SLC43A2: variants seen among roughly 807,000 people sequenced by gnomAD.
SLC43A2 encodes large neutral amino acids transporter small subunit 4.
A neutral mutation model predicts 63.2 loss-of-function variants in SLC43A2; 38 were observed. The observed-to-expected ratio is 0.60, with a 90% CI of 0.46 to 0.79. The LOEUF is 0.79. Ranked by LOEUF, SLC43A2 falls within the 30% of genes least tolerant of loss-of-function variation. The pLI is 0.00. For synonymous variants in SLC43A2, 322 were observed against 331.0 expected (o/e 0.97, Z 0.30); for missense variants, 644 against 756.2 (o/e 0.85, Z 1.74).
intron 2 of SLC43A2, among the ~76,000 whole-genome samples, chr17:1,621,185 A>G (rs532064170): frequency 1.3e-5 from 2 of 152,296 alleles, no homozygotes; most frequent in Admixed American, 1.3e-4. Context: ...CAGAGGAATC[A>G]GGGAGAAAAG....
intron 2 of SLC43A2, among the ~76,000 whole-genome samples, chr17:1,618,663 G>A (rs1279302675): frequency 6.6e-6 from 1 of 152,214 alleles, no homozygotes; most frequent in African/African-American, 2.4e-5. Flanking sequence ...CCCAGGTCTT[G>A]GCCTACAATA....
In SLC43A2 at chr17:1,578,652, G is replaced by A. The variant is rs552304794; in HGVS notation, c.1351-329C>T. ...AAGCAATTCTCCTGCCTCAGCCTTC[G>A]GAGTAGCTAGGATTACAGGCCCACG... On this transcript the variant is annotated intron_variant, in intron 11 of 13. Transcript: ENST00000301335. This position sits in a 1 kb window ranked among gnomAD's most constrained non-coding sequence, Gnocchi z 6.5. 2.6e-4 allele frequency: 71 copies of A among 268,968 alleles called. No individual in the cohort carries two copies. Among genetic ancestry groups the A allele is most frequent in the African/African-American group, 1.2e-3 (56 of 45,660 alleles). 16.7% of individuals were successfully genotyped at this position (268,968 alleles called of 1,614,324 possible).
chr17:1,613,824 C>T lies in SLC43A2; in HGVS notation c.425-553G>A, dbSNP rs567781059. On this transcript the variant is annotated intron_variant, in intron 4 of 13. Transcript: ENST00000301335. ...CCAATTAATATTAGCAGTGTCCAGGCGCAGTGACTCACACCTAGAATCCCA... is the reference window on the plus strand; with the variant it reads ...CCAATTAATATTAGCAGTGTCCAGGTGCAGTGACTCACACCTAGAATCCCA... Among the ~76,000 whole-genome samples, 16 of 152,244 alleles carry T rather than the reference C, an allele frequency of 1.1e-4. No individual in the cohort carries two copies. In the East Asian group the frequency reaches 3.1e-3, roughly 29 times the overall value.
intron 10 of SLC43A2, among the ~76,000 whole-genome samples, chr17:1,584,429 G>T (rs1185174991): frequency 1.3e-5 from 2 of 152,100 alleles, no homozygotes; most frequent in Admixed American, 6.6e-5. Context: ...AGGGTGCTGG[G>T]AGTCTTCACT....
rs550589628 is a variant in SLC43A2, at chr17:1,608,463, A to G, written c.501+4732T>C. 4.3e-4 allele frequency among the ~76,000 whole-genome samples: 65 copies of G among 151,888 alleles called. No homozygotes were observed. In the East Asian group the frequency reaches 6.0e-3, roughly 14 times the overall value. On this transcript the variant is annotated intron_variant, in intron 5 of 13. Transcript: ENST00000301335. ...GGCTGGAGTGCAGTGGTGCGATCTCAGCTCACTGCAACCTCCGCCTCCCGG... is the reference window on the plus strand; with the variant it reads ...GGCTGGAGTGCAGTGGTGCGATCTCGGCTCACTGCAACCTCCGCCTCCCGG...
intron 5 of SLC43A2, among the ~76,000 whole-genome samples, chr17:1,600,297 C>G (rs1289444166): frequency 1.4e-5 from 2 of 141,326 alleles, no homozygotes; most frequent in African/African-American, 5.2e-5. Flanking sequence ...GTTACAGGTG[C>G]CTGCCACGAC....
intron 9 of SLC43A2, among the ~76,000 whole-genome samples, chr17:1,588,872 G>A (rs1301019200): frequency 6.6e-6 from 1 of 152,178 alleles, no homozygotes; most frequent in Admixed American, 6.5e-5. Context: ...CAGCACCCGG[G>A]AGCCTCTGCC....
chr17:1,592,967 C>A (rs1251843328), intron 6 of SLC43A2, among the ~76,000 whole-genome samples: 1 of 152,220 alleles, frequency 6.6e-6, no homozygotes, highest in Non-Finnish European at 1.5e-5. Context: ...AATGCAAAGG[C>A]ACCTGCGGCA....
intron 2 of SLC43A2, among the ~76,000 whole-genome samples, chr17:1,623,600 T>TCTCTC (rs1908355950): frequency 6.6e-6 from 1 of 151,158 alleles, no homozygotes; most frequent in South Asian, 2.1e-4. Flanking sequence ...CCTTCCCACT[T>TCTCTC]CTCTCCTCTC....
chr17:1,585,433 A>C (rs1033270563), intron 10 of SLC43A2: 4 of 327,260 alleles, frequency 1.2e-5, no homozygotes, highest in Non-Finnish European at 1.7e-5. Flanking sequence ...TTTAGTAGAG[A>C]CCGGGTTTTA....
rs764063830 is a variant in SLC43A2 at position 1,583,690 on chromosome 17, C to G, written c.1218-354G>C. ...ACTTCACCACTGGCTTCAAGTTCAC[C>G]CAAATCTTGCAGGACGCTGATAAGA... On this transcript the variant is annotated intron_variant, in intron 10 of 13. Transcript: ENST00000301335. The surrounding 1 kb of genome is among the most constrained non-coding windows in gnomAD (Gnocchi z 5.5). The G allele has an allele frequency of 9.9e-5, 22 of 223,224 alleles. No homozygotes were observed. The highest frequency in any genetic ancestry group is 1.8e-4 in the Non-Finnish European group (20 of 110,866). The allele number at this position is 223,224 out of a possible 1,614,324, so 13.8% of individuals were successfully genotyped here.
intron 7 of SLC43A2, 45 bp from the exon 8 acceptor site, chr17:1,591,516 G>C: frequency 6.2e-7 from 1 of 1,609,974 alleles, no homozygotes. Context: ...CGGGACCCCG[G>C]CTGGGGGGCG....
At position 1,613,283 on chromosome 17, in the gene SLC43A2, T is replaced by G. The variant is rs1907295624; in HGVS notation, c.425-12A>C. On this transcript the variant is annotated splice_polypyrimidine_tract_variant and intron_variant, in intron 4 of 13. Transcript: ENST00000301335. The stretch of plus-strand genomic sequence containing the variant: ...GAGCACGGAGAGAGCTGCAGGGACA[T>G]GGAAAGCTCGTGAGTGGAGACCCCA... The G allele has an allele frequency of 6.2e-7, 1 of 1,613,748 alleles. No homozygotes were observed. The highest frequency in any genetic ancestry group is 8.5e-7 in the Non-Finnish European group (1 of 1,179,922).
In SLC43A2 at chr17:1,627,894, C is replaced by T. The variant is rs1391572975; in HGVS notation, c.-20G>A. 1 of 1,530,654 alleles carries T rather than the reference C, an allele frequency of 6.5e-7. No individual in the cohort carries two copies. Among genetic ancestry groups the T allele is most frequent in the Non-Finnish European group, 8.8e-7 (1 of 1,138,980 alleles). The allele number at this position is 1,530,654 out of a possible 1,614,324, so 94.8% of individuals were successfully genotyped here. ...CGCCATGGTGCGGCGCGGCGCGGCT[C>T]CGGCTCCGGCTCCGGCTCTGCACCA... is the stretch of plus-strand genomic sequence containing the variant. On this transcript the variant is annotated 5_prime_UTR_variant, in exon 2 of 14. Coordinates refer to ENST00000301335, the MANE Select transcript of SLC43A2 (RefSeq NM_152346.3).
In SLC43A2 at chr17:1,626,356, G is replaced by C. The variant is rs1908667316; in HGVS notation, c.160+1359C>G. ...AACTCTTGGCCAAAGCAGAAAGCTT[G>C]TTCAGGGAACAAGGTCTGACTCTTC... On this transcript the variant is annotated intron_variant, in intron 2 of 13. Transcript: ENST00000301335. 2.0e-5 allele frequency among the ~76,000 whole-genome samples: 3 copies of C among 152,094 alleles called. No homozygotes were observed. The South Asian group carries it at 6.2e-4, about 31-fold the overall frequency.
At position 1,575,696 on chromosome 17, in the gene SLC43A2, G is replaced by A. The variant is rs200306780; in HGVS notation, c.1618C>T (p.Arg540Cys). Residue 540 changes from arginine to cysteine, a missense_variant, in exon 14 of 14, where the codon CGC becomes TGC. Transcript: ENST00000301335. ...CLPLYLICYR[R>C]QLERQLQQRQ... is the part of the protein sequence containing the mutation. The stretch of plus-strand genomic sequence containing the variant: ...TGCTGCAGCTGCCGCTCCAGCTGGC[G>A]CCGGTAGCAGATCAGGTAGAGCGGG... 10 of 1,613,924 alleles carry A rather than the reference G, an allele frequency of 6.2e-6. No individual in the cohort carries two copies. Among genetic ancestry groups the A allele is most frequent in the Admixed American group, 3.3e-5 (2 of 60,008 alleles).
intron 3 of SLC43A2, among the ~76,000 whole-genome samples, chr17:1,615,756 T>C (rs1400250574): frequency 6.8e-6 from 1 of 147,654 alleles, no homozygotes; most frequent in Admixed American, 6.7e-5. Context: ...GGCAGGAGAA[T>C]AGCGTGAACC....
chr17:1,575,106 C>T lies in SLC43A2; in HGVS notation c.*498G>A, dbSNP rs1230303554. 1.7e-5 allele frequency: 3 copies of T among 179,710 alleles called. No individual in the cohort carries two copies. Among genetic ancestry groups the T allele is most frequent in the Non-Finnish European group, 3.6e-5 (3 of 83,062 alleles). The allele number at this position is 179,710 out of a possible 1,614,324, so 11.1% of individuals were successfully genotyped here. ...AGGAATTAGCACCGACAACAGGAAG[C>T]GGGTCCTTCCTTCCTCAGGCAGCCT... On this transcript the variant is annotated 3_prime_UTR_variant, in exon 14 of 14. Transcript: ENST00000301335.
chr17:1,586,927 A>AGGGCCCCCC, intron 9 of SLC43A2: 7 of 1,355,910 alleles, frequency 5.2e-6, no homozygotes, highest in Non-Finnish European at 7.1e-6. Flanking sequence ...TTCCCTGACA[A>AGGGCCCCCC]TCCCCCCCAC....
Sources: allele counts gnomAD v4.1 joint callset (sites outside exome capture counted in the v4.1 genomes callset), GRCh38; gene constraint gnomAD v4.1.1; non-coding constraint Gnocchi (gnomAD v3.1); transcripts MANE v1.5; gene names NCBI Gene and HGNC (gene_info 2026-07-23, HGNC 2026-07-21).